Variants in RGS10 observed in about 807,000 individuals in gnomAD.
RGS10 encodes regulator of G-protein signalling 10.
Under a neutral mutation model 23.5 loss-of-function variants are expected in RGS10, and 11 were observed. That is an observed-to-expected ratio of 0.47 (90% CI 0.29 to 0.77). RGS10 has a LOEUF of 0.77. Ranked by LOEUF, RGS10 falls within the 30% of genes least tolerant of loss-of-function variation. RGS10 has a pLI of 0.08. For missense variants in RGS10, 180 were observed against 226.3 expected (o/e 0.80, Z 1.31); for synonymous variants, 77 against 83.2 (o/e 0.92, Z 0.41).
intron 1 of RGS10, among the ~76,000 whole-genome samples, chr10:119,533,297 A>C (rs534843250): frequency 2.6e-5 from 4 of 152,076 alleles, no homozygotes; most frequent in African/African-American, 9.6e-5. Context: ...GCGCCACTGC[A>C]CTCCAGCCTG....
At chr10:119,542,508 C>A in intron 1 of RGS10, 82 bp downstream of exon 1, 2 of 1,238,282 alleles carry the variant, frequency 1.6e-6, no homozygotes, top group Non-Finnish European at 2.1e-6. Context: ...GAGCCGCGCC[C>A]GAGCACAAGA....
chr10:119,542,614 G>T lies in RGS10; in HGVS notation c.25C>A (p.Leu9Met). ...CCTGACGGCGGCCGCTTCCTGCTCA[G>T]CCGGCTCACGGCGCGGTTGAACATC... MFNRAVSR[L>M]SRKRPPSDIH... Residue 9 changes from leucine (L) to methionine (M), a missense_variant, in exon 1 of 5, where the codon CTG (leucine) becomes ATG (methionine). By Grantham distance (15) the Leu-to-Met change is conservative. Transcript: ENST00000369103. 7.0e-7 allele frequency: 1 copy of T among 1,425,814 alleles called. No individual in the cohort carries two copies. The highest frequency in any genetic ancestry group is 1.4e-5 in the South Asian group (1 of 71,988). 88.3% of individuals were successfully genotyped at this position (1,425,814 alleles called of 1,614,324 possible). A position where few individuals can be genotyped will look rare whatever the true frequency, so the allele number is the denominator to read the frequency against.
intron 3 of RGS10, among the ~76,000 whole-genome samples, chr10:119,521,631 G>GAAGGAAGA (rs1356082261): frequency 7.5e-4 from 52 of 69,258 alleles, no homozygotes; most frequent in African/African-American, 2.6e-3. Context: ...GGAAAGAAAG[G>GAAGGAAGA]AAGGAAGGAA....
At chr10:119,539,520 G>A (rs1374579326) in intron 1 of RGS10, among the ~76,000 whole-genome samples, 1 of 152,146 alleles carries the variant, frequency 6.6e-6, no homozygotes, top group Non-Finnish European at 1.5e-5. Flanking sequence ...TGGGCAGGGT[G>A]AGTGGACAGA....
chr10:119,534,846 A>C (rs1231042425), intron 1 of RGS10, among the ~76,000 whole-genome samples: 1 of 150,420 alleles, frequency 6.6e-6, no homozygotes, highest in Admixed American at 6.6e-5. Flanking sequence ...GCCGAGATCA[A>C]GCCACTGCAC....
At chr10:119,519,528 C>T (rs1348296123) in intron 3 of RGS10, among the ~76,000 whole-genome samples, 1 of 127,362 alleles carries the variant, frequency 7.9e-6, no homozygotes, top group Non-Finnish European at 1.7e-5. Context: ...TCCCCCAGCT[C>T]CTGTCTCCCT....
In RGS10 at chr10:119,527,420, G is replaced by A. The variant is rs146035677; in HGVS notation, c.54C>T (p.Ile18=). The part of the protein sequence containing the change: ...RLSRKRPPSD[I]HDSDGSSSSS... ...TGCTGGAACTGCCATCGCTGTCGTG[G>A]ATGTCTGCAAAGCAAAGTTCAGACT... The change falls in exon 2 of 5, where the codon ATC becomes ATT. Residue 18 remains isoleucine (I), a synonymous_variant. Transcript: ENST00000369103. The surrounding 1 kb of genome is among the most constrained non-coding windows in gnomAD (Gnocchi z 4.2). 6.2e-6 allele frequency: 10 copies of A among 1,613,790 alleles called. No homozygotes were observed. Among genetic ancestry groups the A allele is most frequent in the Non-Finnish European group, 8.5e-6 (10 of 1,179,676 alleles).
chr10:119,538,773 G>C lies in RGS10; in HGVS notation c.49+3817C>G, dbSNP rs891584876. Among the ~76,000 whole-genome samples, 35 of 152,240 alleles carry C rather than the reference G, an allele frequency of 2.3e-4. No homozygotes were observed. Among genetic ancestry groups the C allele is most frequent in the African/African-American group, 8.2e-4 (34 of 41,540 alleles). On this transcript the variant is annotated intron_variant, in intron 1 of 4. Coordinates refer to ENST00000369103, the MANE Select transcript of RGS10 (RefSeq NM_001005339.2). The surrounding 1 kb of genome is among the most constrained non-coding windows in gnomAD (Gnocchi z 4.5). ...CAAGGGGCCACTGCTGCTGCCTGCT[G>C]GGGCCCCCTCCGCTCCTGCTGCCAC...
At position 119,542,653 on chromosome 10, in the gene RGS10, G is replaced by A. The variant is rs139682525; in HGVS notation, c.-15C>T. ...CGGTTGAACATCGCCGCGGGCGCCC[G>A]AGGAGGAAGAAGGAGCAGCCCGGCG... On this transcript the variant is annotated 5_prime_UTR_variant, in exon 1 of 5. Coordinates refer to ENST00000369103, the MANE Select transcript of RGS10 (RefSeq NM_001005339.2). The A allele has an allele frequency of 3.6e-3, 4,984 of 1,387,264 alleles. 155 individuals carry two copies. The African/African-American group carries it at 0.064, about 18-fold the overall frequency. 85.9% of individuals were successfully genotyped at this position (1,387,264 alleles called of 1,614,324 possible). A position where few individuals can be genotyped will look rare whatever the true frequency, so the allele number is the denominator to read the frequency against.
rs911849234 is a variant in RGS10 at position 119,517,790 on chromosome 10, C to A, written c.256-2138G>T. 6.6e-6 allele frequency among the ~76,000 whole-genome samples: 1 copy of A among 152,208 alleles called. No homozygotes were observed. Among genetic ancestry groups the A allele is most frequent in the African/African-American group, 2.4e-5 (1 of 41,448 alleles). ...AATGGCTTGAGTCTTTGAGGTGGGGCAGAAGAGGCCGGGGGAGAGGAAGTA... is the reference window on the plus strand; with the variant it reads ...AATGGCTTGAGTCTTTGAGGTGGGGAAGAAGAGGCCGGGGGAGAGGAAGTA... On this transcript the variant is annotated intron_variant, in intron 3 of 4. Transcript: ENST00000369103. This position sits in a 1 kb window ranked among gnomAD's most constrained non-coding sequence, Gnocchi z 5.0.
chr10:119,522,754 C>T (rs1467175156), intron 3 of RGS10, among the ~76,000 whole-genome samples: 4 of 151,180 alleles, frequency 2.6e-5, no homozygotes, highest in Admixed American at 1.3e-4. Context: ...TTCAGTTAGG[C>T]GACTTCTCCC....
intron 1 of RGS10, among the ~76,000 whole-genome samples, chr10:119,533,158 G>C (rs931217011): frequency 2.6e-5 from 4 of 151,750 alleles, no homozygotes; most frequent in African/African-American, 9.7e-5. Context: ...TTCAAAACCT[G>C]CCTGGCCAAC....
intron 3 of RGS10, among the ~76,000 whole-genome samples, chr10:119,523,797 G>C (rs1384877102): frequency 6.6e-6 from 1 of 152,156 alleles, no homozygotes; most frequent in South Asian, 2.1e-4. Context: ...GACCTGAAAG[G>C]CTGGAAGAGG....
chr10:119,511,552 G>T (rs1168498177), intron 4 of RGS10, among the ~76,000 whole-genome samples: 1 of 152,178 alleles, frequency 6.6e-6, no homozygotes, highest in Non-Finnish European at 1.5e-5. Context: ...CCAGGAGGCA[G>T]AGGCTGCAGT....
At chr10:119,541,450 T>TTA (rs1844433819) in intron 1 of RGS10, among the ~76,000 whole-genome samples, 1 of 152,150 alleles carries the variant, frequency 6.6e-6, no homozygotes, top group Non-Finnish European at 1.5e-5. Context: ...ATTAAGTACT[T>TTA]TAAAAGGCGA....
chr10:119,529,191 G>A (rs1224374321), intron 1 of RGS10, among the ~76,000 whole-genome samples: 8 of 152,178 alleles, frequency 5.3e-5, no homozygotes, highest in Middle Eastern at 3.4e-3. Flanking sequence ...GGTGGCTCAC[G>A]CCTGTAATCC....
chr10:119,513,037 A>G (rs1026460504), intron 4 of RGS10, among the ~76,000 whole-genome samples: 1 of 152,240 alleles, frequency 6.6e-6, no homozygotes, highest in Non-Finnish European at 1.5e-5. Context: ...ATAAAATACT[A>G]TTTGGTGGTT....
intron 1 of RGS10, chr10:119,536,340 C>A: frequency 1.3e-6 from 1 of 785,508 alleles, no homozygotes; most frequent in Non-Finnish European, 2.1e-6. Context: ...CTCCTACTGG[C>A]CCTTCCACAG....
rs1425541079 is a variant in RGS10, at chr10:119,524,260, A to G, written c.255+1772T>C. 6.6e-6 allele frequency among the ~76,000 whole-genome samples: 1 copy of G among 152,092 alleles called. No homozygotes were observed. Among genetic ancestry groups the G allele is most frequent in the Non-Finnish European group, 1.5e-5 (1 of 68,018 alleles). On this transcript the variant is annotated intron_variant, in intron 3 of 4. Coordinates refer to ENST00000369103, the MANE Select transcript of RGS10 (RefSeq NM_001005339.2). This position sits in a 1 kb window ranked among gnomAD's most constrained non-coding sequence, Gnocchi z 5.2. ...CTGGGCACCAAGCAGGCACTTCACAAAGATTTGGGGAATTCAACTGAACGG... is the reference window on the plus strand; with the variant it reads ...CTGGGCACCAAGCAGGCACTTCACAGAGATTTGGGGAATTCAACTGAACGG...
Sources: allele counts gnomAD v4.1 joint callset (sites outside exome capture counted in the v4.1 genomes callset), GRCh38; gene constraint gnomAD v4.1.1; non-coding constraint Gnocchi (gnomAD v3.1); transcripts MANE v1.5; gene names NCBI Gene and HGNC (gene_info 2026-07-23, HGNC 2026-07-21).